ZNF841: variants seen among roughly 807,000 people sequenced by gnomAD.
ZNF841 encodes zinc finger protein 841, also known as TCONS_00006091.
A neutral mutation model predicts 13.0 loss-of-function variants in ZNF841; 11 were observed. The observed-to-expected ratio is 0.85, with a 90% CI of 0.53 to 1.40. The LOEUF is 1.40. Among genes scored for constraint, ZNF841 ranks in the 40% most tolerant of loss-of-function variants. The pLI is 0.00. For synonymous variants in ZNF841, 369 were observed against 381.6 expected (o/e 0.97, Z 0.38); for missense variants, 1,068 against 1,139.5 (o/e 0.94, Z 0.90).
intron 2 of ZNF841, among the ~76,000 whole-genome samples, chr19:52,090,604 T>G (rs2088437146): frequency 8.4e-6 from 1 of 119,668 alleles, no homozygotes. Context: ...GAGGCTGGTC[T>G]CTTAAAAAAA....
downstream of ZNF841, among the ~76,000 whole-genome samples, chr19:52,063,128 G>A (rs1198947857): frequency 2.0e-5 from 3 of 152,074 alleles, no homozygotes; most frequent in African/African-American, 7.2e-5. Flanking sequence ...GCCTGCCTCG[G>A]CCTCCCAAAG....
At chr19:52,077,350 T>C (rs1242788706) in intron 4 of ZNF841, among the ~76,000 whole-genome samples, 1 of 152,206 alleles carries the variant, frequency 6.6e-6, no homozygotes, top group Non-Finnish European at 1.5e-5. Context: ...ATGAAAGTTT[T>C]AGATATTACA....
chr19:52,075,511 TG>T (rs2087871331), intron 6 of ZNF841, among the ~76,000 whole-genome samples: 1 of 152,164 alleles, frequency 6.6e-6, no homozygotes, highest in African/African-American at 2.4e-5. Context: ...CTGAGGGACC[TG>T]AACAGGCAGA....
At chr19:52,081,954 A>G (rs902185789) in intron 4 of ZNF841, among the ~76,000 whole-genome samples, 5 of 152,244 alleles carry the variant, frequency 3.3e-5, no homozygotes, top group Admixed American at 6.5e-5. Context: ...AGGCAGAAGA[A>G]GGAATCAGTG....
intron 2 of ZNF841, among the ~76,000 whole-genome samples, chr19:52,092,147 TG>T (rs2088518469): frequency 1.6e-5 from 2 of 126,584 alleles, no homozygotes; most frequent in Admixed American, 8.3e-5. Context: ...ATTTTGGGGG[TG>T]GGGTGGGGGA....
At position 52,066,456 on chromosome 19, in the gene ZNF841, G is replaced by T; in HGVS notation, c.1426C>A (p.Arg476=). ...FFQRSRLAGH[R]RIHTGEKPYK... is the part of the protein sequence containing the mutation. ...GGTTTCTCTCCAGTATGAATTCTCC[G>T]GTGCCCTGCAAGACGTGAACGTTGA... Residue 476 remains arginine, a synonymous_variant, in exon 7 of 7, where the codon CGG becomes AGG. Transcript: ENST00000594440. 1 of 1,613,708 alleles carries T rather than the reference G, an allele frequency of 6.2e-7. No individual in the cohort carries two copies. Among genetic ancestry groups the T allele is most frequent in the Non-Finnish European group, 8.5e-7 (1 of 1,179,890 alleles).
intron 5 of ZNF841, 112 bp from the exon 6 acceptor site, chr19:52,076,284 A>C: frequency 1.5e-5 from 20 of 1,320,924 alleles, no homozygotes; most frequent in East Asian, 2.6e-5. Context: ...TCACAAACTC[A>C]TCCATTGATT....
At chr19:52,070,100 C>T (rs549914153) in intron 6 of ZNF841, among the ~76,000 whole-genome samples, 79 of 152,272 alleles carry the variant, frequency 5.2e-4, no homozygotes, top group African/African-American at 1.8e-3. Flanking sequence ...GAAAGTAAGA[C>T]ACAAGAACCT....
At chr19:52,088,575 A>C (rs2088367164) in intron 3 of ZNF841, among the ~76,000 whole-genome samples, 1 of 152,200 alleles carries the variant, frequency 6.6e-6, no homozygotes, top group Non-Finnish European at 1.5e-5. Context: ...AAATGTAAAA[A>C]AATGTAAAGA....
At chr19:52,090,630 A>AGAAAGAAAGAAGGAAGGAAG (rs1555782680) in intron 2 of ZNF841, among the ~76,000 whole-genome samples, 1 of 90,608 alleles carries the variant, frequency 1.1e-5, no homozygotes, top group Non-Finnish European at 2.2e-5. Context: ...AAAGAAAGAA[A>AGAAAGAAAGAAGGAAGGAAG]GAAGGAAGGA....
At chr19:52,091,031 G>A (rs142499972) in intron 2 of ZNF841, among the ~76,000 whole-genome samples, 8 of 152,184 alleles carry the variant, frequency 5.3e-5, no homozygotes, top group African/African-American at 1.9e-4. Context: ...TAAATATGAA[G>A]GGCTCTAAAA....
In ZNF841 at chr19:52,076,182, A is replaced by G; in HGVS notation, c.143-10T>C. On this transcript the variant is annotated splice_polypyrimidine_tract_variant and intron_variant, in intron 5 of 6. Coordinates refer to ENST00000594440, the MANE Select transcript of ZNF841 (RefSeq NM_001136499.2). ...TCAGGAAGACAGAGTCCTGCTTATA[A>G]AAAAAGAAAGAAGATGTCCCACGGT... 1 of 1,550,260 alleles carries G rather than the reference A, an allele frequency of 6.5e-7. No individual in the cohort carries two copies. The highest frequency in any genetic ancestry group is 8.7e-7 in the Non-Finnish European group (1 of 1,146,556).
At chr19:52,061,733 A>T (rs1175652079), downstream of ZNF841, among the ~76,000 whole-genome samples, 1 of 151,920 alleles carries the variant, frequency 6.6e-6, no homozygotes, top group African/African-American at 2.4e-5. Context: ...TTTAGTAGAG[A>T]CGGGGTTTCT....
At position 52,065,204 on chromosome 19, in the gene ZNF841, G is replaced by C. The variant is rs530820418; in HGVS notation, c.2678C>G (p.Thr893Ser). The C allele has an allele frequency of 7.0e-5, 112 of 1,610,404 alleles. No individual in the cohort carries two copies. In the South Asian group the frequency reaches 1.1e-3, roughly 16 times the overall value. Reference protein sequence around the residue: ...GKSYISRSGLTKHQIKHAGEN... With the variant: ...GKSYISRSGLSKHQIKHAGEN... ...TCCAGCATGTTTTATCTGATGTTTA[G>C]TGAGGCCTGAGCGACTAATGTAAGA... Residue 893 changes from threonine (T) to serine (S), a missense_variant, in exon 7 of 7, where the codon ACT becomes AGT. Physicochemically the swap from Thr to Ser is moderately conservative, Grantham distance 58. Transcript: ENST00000594440.
Position 52,066,796 on chromosome 19 carries a change from A to T in ZNF841, c.1086T>A (p.Val362=). 2 of 1,613,892 alleles carry T rather than the reference A, an allele frequency of 1.2e-6. No homozygotes were observed. The highest frequency in any genetic ancestry group is 2.2e-5 in the South Asian group (2 of 91,048). ...TCTCTCCAGTATGAATTCTCTGATG[A>T]ACTGCAAGGTGGGAACTTTTACTAA... ...KSFSKSSHLA[V]HQRIHTGEKP... Residue 362 remains valine (V), a synonymous_variant, in exon 7 of 7, where the codon GTT becomes GTA. Transcript: ENST00000594440.
intron 2 of ZNF841, among the ~76,000 whole-genome samples, chr19:52,089,695 TC>T (rs1217308227): frequency 1.3e-5 from 2 of 152,100 alleles, no homozygotes; most frequent in African/African-American, 4.8e-5. Flanking sequence ...TAATCCCACT[TC>T]CAAGTGCTTC....
chr19:52,078,803 A>G (rs2087997564), intron 4 of ZNF841, among the ~76,000 whole-genome samples: 2 of 152,152 alleles, frequency 1.3e-5, no homozygotes, highest in Admixed American at 6.5e-5. Context: ...TCTTATGTAG[A>G]GAAAAGAAAA....
chr19:52,065,278 T>C lies in ZNF841; in HGVS notation c.2604A>G (p.Gln868=). The change falls in exon 7 of 7, where the codon CAA becomes CAG. Residue 868 remains glutamine (Q), a synonymous_variant. Coordinates refer to ENST00000594440, the MANE Select transcript of ZNF841 (RefSeq NM_001136499.2). The part of the protein sequence containing the change: ...FGRRSCLTKH[Q]RIHSSEKPYK... Reference sequence around the variant, plus strand: ...AAGGTTTTTCACTAGAATGAATTCGTTGGTGTTTAGTGAGGCAAGACCGCC... The same window carrying C: ...AAGGTTTTTCACTAGAATGAATTCGCTGGTGTTTAGTGAGGCAAGACCGCC... 1 of 1,613,704 alleles carries C rather than the reference T, an allele frequency of 6.2e-7. No homozygotes were observed.
chr19:52,070,455 C>A (rs1295243983), intron 6 of ZNF841, among the ~76,000 whole-genome samples: 5 of 152,194 alleles, frequency 3.3e-5, no homozygotes, highest in African/African-American at 4.8e-5. Flanking sequence ...AAGAAGGGGT[C>A]AGCTGCGCAG....
Sources: gnomAD v4.1 joint callset for allele counts (sites outside exome capture counted in the v4.1 genomes callset) on GRCh38, gnomAD v4.1.1 for gene constraint, MANE v1.5 for transcripts, NCBI Gene and HGNC (gene_info 2026-07-23, HGNC 2026-07-21) for gene names.